The following TRERF1 variants were observed in gnomAD, a reference collection of about 807,000 sequenced individuals.
The protein encoded by TRERF1 is transcriptional regulating factor 1.
Under a neutral mutation model 122.9 loss-of-function variants are expected in TRERF1, and 27 were observed. That is an observed-to-expected ratio of 0.22 (90% CI 0.16 to 0.30). The LOEUF (loss-of-function observed/expected upper bound fraction) is 0.30, where lower values mean the gene tolerates loss of function less well. TRERF1 is among the 10% of genes least tolerant of loss of function. TRERF1 has a pLI of 1.00. For missense variants in TRERF1, 1,248 were observed against 1,560.3 expected, an observed-to-expected ratio of 0.80 and a Z score of 3.37; for synonymous variants, 636 against 641.7, an observed-to-expected ratio of 0.99 and a Z score of 0.13.
chr6:42,258,629 C>T (rs1401057065), intron 9 of TRERF1, among the ~76,000 whole-genome samples: 1 of 152,192 alleles, frequency 6.6e-6, no homozygotes, highest in East Asian at 1.9e-4. Context: ...GGCGGGAGTG[C>T]TGTGGCGCGA....
At chr6:42,307,168 A>C (rs1307596408) in intron 3 of TRERF1, among the ~76,000 whole-genome samples, 2 of 152,136 alleles carry the variant, frequency 1.3e-5, no homozygotes, top group Non-Finnish European at 2.9e-5. Context: ...TTGCATATAC[A>C]ATGTATCACC....
chr6:42,409,613 A>AT (rs1188106479), intron 2 of TRERF1, among the ~76,000 whole-genome samples: 1 of 152,178 alleles, frequency 6.6e-6, no homozygotes, highest in Non-Finnish European at 1.5e-5. Flanking sequence ...GCCATGTAGG[A>AT]TTTTGTAATT....
chr6:42,271,057 C>T (rs71560752), intron 4 of TRERF1, among the ~76,000 whole-genome samples: 4 of 151,454 alleles, frequency 2.6e-5, no homozygotes, highest in South Asian at 2.1e-4. Context: ...TGGTGGCAGG[C>T]GCTTGTAATC....
chr6:42,442,638 G>T (rs1786731878), intron 2 of TRERF1, among the ~76,000 whole-genome samples: 1 of 152,182 alleles, frequency 6.6e-6, no homozygotes, highest in Admixed American at 6.5e-5. Context: ...AATAATGGAG[G>T]CAAACAATTT....
chr6:42,317,422 AT>A (rs1762675957), intron 3 of TRERF1, among the ~76,000 whole-genome samples: 1 of 151,876 alleles, frequency 6.6e-6, no homozygotes, highest in African/African-American at 2.4e-5. Context: ...TGGCATGATC[AT>A]GGCTTGCTGC....
At chr6:42,320,647 T>C (rs560195629) in intron 3 of TRERF1, among the ~76,000 whole-genome samples, 1 of 151,714 alleles carries the variant, frequency 6.6e-6, no homozygotes, top group Non-Finnish European at 1.5e-5. Context: ...GTAGCAAGGA[T>C]TACAGGCGCC....
rs774341989 is a variant in TRERF1, at chr6:42,268,234, G to T, written c.1357C>A (p.Leu453Ile). 2.0e-6 allele frequency: 3 copies of T among 1,496,298 alleles called. No individual in the cohort carries two copies. The highest frequency in any genetic ancestry group is 2.7e-6 in the Non-Finnish European group (3 of 1,123,148). The allele number at this position is 1,496,298 out of a possible 1,614,324, so 92.7% of individuals were successfully genotyped here. A position where few individuals can be genotyped will look rare whatever the true frequency, so the allele number is the denominator to read the frequency against. ...AGGTGGATCCCACTGGGGGATAGGA[G>T]GGGGCGATGGGGGAGGGTGCTGCTG... The change falls in exon 5 of 18, where the codon CTC becomes ATC. Residue 453 changes from leucine to isoleucine, a missense_variant. Physicochemically the swap from Leu to Ile is conservative, Grantham distance 5 (BLOSUM62 2). This residue lies in a region of TRERF1 where 946 missense variants were observed against 1,073.0 expected (regional missense o/e 0.88). Coordinates refer to ENST00000372922, the Ensembl canonical transcript of TRERF1. The surrounding 1 kb of genome is among the most constrained non-coding windows in gnomAD (Gnocchi z 4.4).
chr6:42,442,188 G>GT (rs1786645252), intron 2 of TRERF1, among the ~76,000 whole-genome samples: 1 of 151,874 alleles, frequency 6.6e-6, no homozygotes, highest in Admixed American at 6.6e-5. Context: ...ATCTCCTATT[G>GT]TAATGACAAC....
At chr6:42,243,524 C>T (rs981713206) in intron 14 of TRERF1, among the ~76,000 whole-genome samples, 163 bp from the exon 15 acceptor site, 1 of 151,608 alleles carries the variant, frequency 6.6e-6, no homozygotes, top group Middle Eastern at 3.2e-3. Context: ...CCTGTCCTTA[C>T]CCCTCACCCT....
chr6:42,273,133 C>G (rs1780548126), intron 4 of TRERF1, among the ~76,000 whole-genome samples: 1 of 152,008 alleles, frequency 6.6e-6, no homozygotes, highest in Admixed American at 6.5e-5. Context: ...CCCCAATCCC[C>G]AAGTCTACAT....
At chr6:42,334,359 C>A (rs552742166) in intron 3 of TRERF1, among the ~76,000 whole-genome samples, 8 of 152,152 alleles carry the variant, frequency 5.3e-5, no homozygotes, top group Admixed American at 2.6e-4. Flanking sequence ...CTACCCTGTT[C>A]CAAAGTTGTA....
intron 2 of TRERF1, among the ~76,000 whole-genome samples, chr6:42,434,199 T>C (rs1052510489): frequency 6.6e-6 from 1 of 152,052 alleles, no homozygotes; most frequent in Non-Finnish European, 1.5e-5. Flanking sequence ...GTCTAACATA[T>C]GTGCAGGAGC....
chr6:42,440,989 T>G (rs1233473052), intron 2 of TRERF1, among the ~76,000 whole-genome samples: 1 of 152,168 alleles, frequency 6.6e-6, no homozygotes, highest in Non-Finnish European at 1.5e-5. Context: ...ACCACAATAA[T>G]GATTTCCCGG....
rs777940145 is a variant in TRERF1, at chr6:42,269,179, C to A, written c.412G>T (p.Gly138Cys). The stretch of plus-strand genomic sequence containing the variant: ...AAAGAGTCCAGCTTGTGTAAGACAC[C>A]GCTGGTAAGCTTCTGGGTCCGGATC... Residue 138 changes from glycine (G) to cysteine (C), a missense_variant, in exon 5 of 18, where the codon GGT becomes TGT. Gly to Cys is a radical substitution (Grantham distance 159). Transcript: ENST00000372922. This position sits in a 1 kb window ranked among gnomAD's most constrained non-coding sequence, Gnocchi z 4.9. 3 of 1,614,176 alleles carry A rather than the reference C, an allele frequency of 1.9e-6. No individual in the cohort carries two copies. Among genetic ancestry groups the A allele is most frequent in the Non-Finnish European group, 2.5e-6 (3 of 1,180,028 alleles).
intron 4 of TRERF1, among the ~76,000 whole-genome samples, chr6:42,294,738 CCT>C (rs1454005616): frequency 6.6e-6 from 1 of 152,154 alleles, no homozygotes; most frequent in Non-Finnish European, 1.5e-5. Context: ...TAATGTGTCC[CCT>C]GACTTCCTGG....
rs1361290986 is a variant in TRERF1 at position 42,287,289 on chromosome 6, T to C, written c.-259+13349A>G. Among the ~76,000 whole-genome samples, 3 of 134,410 alleles carry C rather than the reference T, an allele frequency of 2.2e-5. No individual in the cohort carries two copies. The East Asian group carries it at 6.1e-4, about 27-fold the overall frequency. The allele number at this position is 134,410 out of a possible 152,430, so 88.2% of individuals were successfully genotyped here. On this transcript the variant is annotated intron_variant, in intron 4 of 17. Transcript: ENST00000372922. ...CACATGTACCCTAAAACTTAAAGTA[T>C]AATAAAAAAAAAAAAAAGAAAAGGA...
At chr6:42,245,268 A>T (rs1028367757) in intron 14 of TRERF1, among the ~76,000 whole-genome samples, 1 of 152,264 alleles carries the variant, frequency 6.6e-6, no homozygotes, top group Non-Finnish European at 1.5e-5. Flanking sequence ...CAGCAAAGGC[A>T]TGGCAGCCGC....
chr6:42,377,932 G>A (rs1247410263), intron 2 of TRERF1, among the ~76,000 whole-genome samples: 2 of 152,144 alleles, frequency 1.3e-5, no homozygotes, highest in Non-Finnish European at 2.9e-5. Context: ...CTTGCTGAAG[G>A]TGCTCTTGTC....
chr6:42,261,766 G>A (rs943001371), intron 8 of TRERF1, among the ~76,000 whole-genome samples: 3 of 152,088 alleles, frequency 2.0e-5, no homozygotes, highest in South Asian at 2.1e-4. Context: ...TCAGCCTACC[G>A]CCCCCACCAA....
Sources: allele counts gnomAD v4.1 joint callset (sites outside exome capture counted in the v4.1 genomes callset), GRCh38; gene constraint gnomAD v4.1.1; regional missense constraint gnomAD v4.1.1; non-coding constraint Gnocchi (gnomAD v3.1); transcripts MANE v1.5; gene names NCBI Gene and HGNC (gene_info 2026-07-23, HGNC 2026-07-21).